ANO2: variants seen among roughly 807,000 people sequenced by gnomAD.
The protein encoded by ANO2 is anoctamin-2.
ANO2 carries 101 observed loss-of-function variants against 124.2 expected under a neutral mutation model. The observed-to-expected ratio is 0.81, with a 90% confidence interval of 0.69 to 0.96. ANO2 has a LOEUF of 0.96. Ranked by LOEUF, ANO2 falls within the 40% of genes least tolerant of loss-of-function variation. ANO2 has a pLI of 0.00. For missense variants in ANO2, 1,293 were observed against 1,274.5 expected (o/e 1.01, Z -0.22); for synonymous variants, 486 against 482.5 (o/e 1.01, Z -0.09).
intron 5 of ANO2, among the ~76,000 whole-genome samples, chr12:5,831,753 CCTT>C (rs1954160169): frequency 6.6e-6 from 1 of 152,144 alleles, no homozygotes; most frequent in Admixed American, 6.5e-5. Flanking sequence ...ATGAGAAGGT[CCTT>C]CTTTCTGTCC....
intron 3 of ANO2, among the ~76,000 whole-genome samples, chr12:5,868,505 C>A (rs1438584624): frequency 2.6e-5 from 4 of 152,190 alleles, no homozygotes; most frequent in Admixed American, 2.6e-4. Context: ...AGACACCTAG[C>A]ACAATGTCTG....
intron 1 of ANO2, among the ~76,000 whole-genome samples, chr12:5,934,050 G>A (rs1177726764): frequency 6.6e-6 from 1 of 152,218 alleles, no homozygotes; most frequent in Non-Finnish European, 1.5e-5. Flanking sequence ...GTGCTGAACT[G>A]AACATAGAAC....
At chr12:5,648,051 T>A (rs531826147) in intron 14 of ANO2, among the ~76,000 whole-genome samples, 1 of 152,318 alleles carries the variant, frequency 6.6e-6, no homozygotes, top group Admixed American at 6.5e-5. Flanking sequence ...CGGGGCTGAA[T>A]TTCTAGTTCA....
intron 23 of ANO2, among the ~76,000 whole-genome samples, chr12:5,566,881 T>C (rs1941796234): frequency 1.3e-5 from 2 of 152,130 alleles, no homozygotes; most frequent in Non-Finnish European, 1.5e-5. Flanking sequence ...GACCGCAGTT[T>C]AGGGGACATT....
chr12:5,616,526 G>A (rs1286333088), intron 16 of ANO2, among the ~76,000 whole-genome samples: 1 of 152,150 alleles, frequency 6.6e-6, no homozygotes, highest in Non-Finnish European at 1.5e-5. Flanking sequence ...GTCTTCAGAG[G>A]TAGAAGAAAA....
intron 10 of ANO2, among the ~76,000 whole-genome samples, chr12:5,781,586 A>C (rs1194005224): frequency 6.6e-6 from 1 of 152,260 alleles, no homozygotes; most frequent in African/African-American, 2.4e-5. Flanking sequence ...CTTCTTTTTC[A>C]TACTTGCTAA....
chr12:5,718,347 C>T (rs902170177), intron 14 of ANO2, among the ~76,000 whole-genome samples: 1 of 152,232 alleles, frequency 6.6e-6, no homozygotes, highest in South Asian at 2.1e-4. Flanking sequence ...TGCTGCTGAA[C>T]AGAAGTGCCC....
intron 4 of ANO2, among the ~76,000 whole-genome samples, chr12:5,853,742 A>C (rs1954995701): frequency 6.6e-6 from 1 of 152,086 alleles, no homozygotes; most frequent in Non-Finnish European, 1.5e-5. Flanking sequence ...TAGGACCCCG[A>C]GAAGAGAGAA....
chr12:5,928,451 G>C (rs201604473), intron 1 of ANO2, among the ~76,000 whole-genome samples: 5 of 56,696 alleles, frequency 8.8e-5, no homozygotes, highest in African/African-American at 2.1e-4. Context: ...TCCTTCCTCC[G>C]TAGTCTACTT....
rs766325508 is a variant in ANO2, at chr12:5,922,772, GC to G, written c.54del (p.Leu19Ter). 3 of 1,547,342 alleles carry G rather than the reference GC, an allele frequency of 1.9e-6. No homozygotes were observed. In the African/African-American group the frequency reaches 4.2e-5, roughly 21 times the overall value. On this transcript the variant is annotated frameshift_variant, in exon 2 of 25. Transcript: ENST00000682330. LOFTEE classifies it high-confidence loss of function. Reference protein sequence around the residue: ...DIPLLPGSPRRLSPQAGSRGG... With the variant: ...DIPLLPGSPRXLSPQAGSRGG... ...CCTCTGGACCCTGCCTGAGGGCTCA[GC>G]CGGCGTGGGGAGCCAGGGAGCAGGG...
chr12:5,821,310 C>T (rs1333767871), intron 7 of ANO2, among the ~76,000 whole-genome samples: 1 of 152,184 alleles, frequency 6.6e-6, no homozygotes, highest in Non-Finnish European at 1.5e-5. Flanking sequence ...GCATTTAGCC[C>T]CTTTTACAAC....
Position 5,884,770 on chromosome 12 carries a change from A to G in ANO2, c.535-30629T>C, listed in dbSNP as rs561512330. The stretch of plus-strand genomic sequence containing the variant: ...TCTAGACCATCTGAACAGAAAATGG[A>G]CCAAACAAAAGTAAAAGGAAGCCAG... On this transcript the variant is annotated intron_variant, in intron 3 of 24. Coordinates refer to ENST00000682330, the MANE Select transcript of ANO2 (RefSeq NM_001364791.2). Among the ~76,000 whole-genome samples the G allele has an allele frequency of 3.3e-5, 5 of 152,314 alleles. No individual in the cohort carries two copies. In the East Asian group the frequency reaches 9.7e-4, roughly 29 times the overall value.
chr12:5,694,098 T>A (rs953835113), intron 14 of ANO2, among the ~76,000 whole-genome samples: 2 of 152,066 alleles, frequency 1.3e-5, no homozygotes, highest in African/African-American at 4.8e-5. Flanking sequence ...GAGGCCTCCA[T>A]CAACATAGCA....
intron 10 of ANO2, among the ~76,000 whole-genome samples, chr12:5,774,996 G>C (rs1952185702): frequency 6.6e-6 from 1 of 152,202 alleles, no homozygotes; most frequent in South Asian, 2.1e-4. Flanking sequence ...TACATACGTA[G>C]ATGGTTTAAT....
At chr12:5,921,398 G>A (rs779256981) in intron 2 of ANO2, 32 bp from the exon 3 acceptor site, 1 of 1,596,946 alleles carries the variant, frequency 6.3e-7, no homozygotes, top group Non-Finnish European at 8.6e-7. Context: ...GCAGGGCAAG[G>A]TCTGGTGAGT....
intron 3 of ANO2, among the ~76,000 whole-genome samples, chr12:5,901,974 G>A (rs911893297): frequency 1.3e-5 from 2 of 152,128 alleles, no homozygotes; most frequent in African/African-American, 2.4e-5. Flanking sequence ...GAGGGATTTC[G>A]GTTAGATCTT....
intron 14 of ANO2, among the ~76,000 whole-genome samples, chr12:5,714,880 C>G (rs1444175530): frequency 6.6e-6 from 1 of 152,138 alleles, no homozygotes; most frequent in Non-Finnish European, 1.5e-5. Flanking sequence ...AGAGCCCTAT[C>G]AGATTTGTTT....
chr12:5,879,510 C>T (rs975645444), intron 3 of ANO2, among the ~76,000 whole-genome samples: 8 of 152,152 alleles, frequency 5.3e-5, no homozygotes, highest in Non-Finnish European at 1.2e-4. Context: ...AGACACTATT[C>T]TCATTGTCAA....
At chr12:5,882,078 A>C (rs1938539760) in intron 3 of ANO2, among the ~76,000 whole-genome samples, 1 of 152,254 alleles carries the variant, frequency 6.6e-6, no homozygotes, top group Admixed American at 6.5e-5. Flanking sequence ...ATGACACTGA[A>C]AACAGACAAG....
Sources: allele counts gnomAD v4.1 joint callset (sites outside exome capture counted in the v4.1 genomes callset), GRCh38; gene constraint gnomAD v4.1.1; transcripts MANE v1.5; gene names NCBI Gene and HGNC (gene_info 2026-07-23, HGNC 2026-07-21).